Variants in MYO10 observed in about 807,000 individuals in gnomAD.
The protein encoded by MYO10 is myosin X.
Under a neutral mutation model 257.3 loss-of-function variants are expected in MYO10, and 133 were observed. That is an observed-to-expected ratio of 0.52 (90% CI 0.45 to 0.60). The LOEUF is 0.60. MYO10 is among the 20% of genes least tolerant of loss of function. The probability of loss-of-function intolerance (pLI) is 0.00; values close to 1 mark genes in which losing one functional copy is unlikely to be tolerated. For synonymous variants in MYO10, 1,104 were observed against 1,028.6 expected, an observed-to-expected ratio of 1.07 and a Z score of -1.40; for missense variants, 2,399 against 2,635.7, an observed-to-expected ratio of 0.91 and a Z score of 1.97.
At chr5:16,930,572 G>A (rs1193211067) in intron 1 of MYO10, among the ~76,000 whole-genome samples, 2 of 152,166 alleles carry the variant, frequency 1.3e-5, no homozygotes, top group South Asian at 2.1e-4. Context: ...CCCTGCACCA[G>A]GAGTACTGAC....
At chr5:16,726,159 G>A (rs1015016240) in intron 19 of MYO10, among the ~76,000 whole-genome samples, 5 of 152,194 alleles carry the variant, frequency 3.3e-5, no homozygotes, top group African/African-American at 1.2e-4. Flanking sequence ...CACATCTGCT[G>A]ACTGACAAGT....
chr5:16,720,477 G>A lies in MYO10; in HGVS notation c.1930-9232C>T, dbSNP rs565055201. 6.6e-5 allele frequency among the ~76,000 whole-genome samples: 10 copies of A among 151,092 alleles called. No homozygotes were observed. In the South Asian group the frequency reaches 8.4e-4, roughly 13 times the overall value. The stretch of plus-strand genomic sequence containing the variant: ...TTTATTTTAATTTAATTTTTGAGAC[G>A]GAGTCTCGCTCTGCCGCCCAGGCTG... On this transcript the variant is annotated intron_variant, in intron 19 of 40. Transcript: ENST00000513610.
chr5:16,915,354 A>G (rs1269319096), intron 1 of MYO10, among the ~76,000 whole-genome samples: 6 of 152,196 alleles, frequency 3.9e-5, no homozygotes, highest in African/African-American at 1.4e-4. Context: ...ATGGCTCAGC[A>G]CAGCAAATGG....
At chr5:16,905,915 A>G (rs1745506745) in intron 1 of MYO10, among the ~76,000 whole-genome samples, 1 of 152,128 alleles carries the variant, frequency 6.6e-6, no homozygotes, top group Admixed American at 6.6e-5. Context: ...AGTAATTGCT[A>G]AGTCCAATTT....
chr5:16,709,980 C>T (rs77134946), intron 21 of MYO10, among the ~76,000 whole-genome samples: 9 of 152,228 alleles, frequency 5.9e-5, no homozygotes, highest in Non-Finnish European at 1.2e-4. Flanking sequence ...ATTGGTCAAA[C>T]TGCAAGACAT....
chr5:16,868,008 T>C lies in MYO10; in HGVS notation c.120+9601A>G, dbSNP rs116762998. ...GCACAGAGTAATCGCCTTGATGAAA[T>C]GGGCTGCAGTAAACTGAATAACTAC... On this transcript the variant is annotated intron_variant, in intron 2 of 40. Transcript: ENST00000513610. Among the ~76,000 whole-genome samples the C allele has an allele frequency of 5.6e-3, 859 of 152,290 alleles. 13 individuals are homozygous for C. The highest frequency in any genetic ancestry group is 0.02 in the African/African-American group (836 of 41,562).
intron 4 of MYO10, among the ~76,000 whole-genome samples, chr5:16,786,692 A>G (rs545424978): frequency 6.6e-6 from 1 of 152,262 alleles, no homozygotes; most frequent in Non-Finnish European, 1.5e-5. Flanking sequence ...AAGCTGAAAT[A>G]TGCCTAGCCC....
At chr5:16,870,951 G>A (rs1744442155) in intron 2 of MYO10, among the ~76,000 whole-genome samples, 1 of 152,106 alleles carries the variant, frequency 6.6e-6, no homozygotes, top group Non-Finnish European at 1.5e-5. Context: ...ATTGTCATTT[G>A]ACAATTTCTA....
intron 2 of MYO10, among the ~76,000 whole-genome samples, chr5:16,858,399 T>TA (rs1561022484): frequency 7.0e-6 from 1 of 143,816 alleles, no homozygotes; most frequent in African/African-American, 2.7e-5. Context: ...CACTTCAACA[T>TA]ACACACACAG....
intron 17 of MYO10, among the ~76,000 whole-genome samples, chr5:16,759,622 GCA>G (rs1455026708): frequency 6.6e-6 from 1 of 152,136 alleles, no homozygotes; most frequent in African/African-American, 2.4e-5. Flanking sequence ...CTTCACGCTG[GCA>G]CAGAGGCAGC....
chr5:16,921,075 A>G (rs1390360071), intron 1 of MYO10, among the ~76,000 whole-genome samples: 1 of 152,018 alleles, frequency 6.6e-6, no homozygotes, highest in East Asian at 1.9e-4. Context: ...CCAAGATCGC[A>G]CCACTGCACT....
chr5:16,736,828 T>C (rs557977418), intron 19 of MYO10, among the ~76,000 whole-genome samples: 1 of 152,350 alleles, frequency 6.6e-6, no homozygotes, highest in East Asian at 1.9e-4. Context: ...TGTTTGGCCT[T>C]CATAATCCAG....
chr5:16,681,979 C>A lies in MYO10; in HGVS notation c.4081G>T (p.Val1361Leu). The change falls in exon 31 of 41, where the codon GTG becomes TTG. Residue 1361 changes from valine (V) to leucine (L), a missense_variant. Val to Leu is a conservative substitution (Grantham distance 32). Around this residue, in one of 3 missense-constraint regions of MYO10, gnomAD observed 1,820 missense variants for 1,939.4 expected, o/e 0.94. Coordinates refer to ENST00000513610, the MANE Select transcript of MYO10 (RefSeq NM_012334.3). ...NSFVIITANR[V>L]LHCNADTPEE... ...GGCGTGTCGGCGTTGCAGTGCAGCA[C>A]CCGGTTGGCCGTGATGATCACAAAC... 6.2e-7 allele frequency: 1 copy of A among 1,613,840 alleles called. No individual in the cohort carries two copies. Among genetic ancestry groups the A allele is most frequent in the Non-Finnish European group, 8.5e-7 (1 of 1,179,892 alleles).
At chr5:16,748,039 A>G (rs1379538347) in intron 19 of MYO10, among the ~76,000 whole-genome samples, 1 of 151,872 alleles carries the variant, frequency 6.6e-6, no homozygotes, top group Non-Finnish European at 1.5e-5. Flanking sequence ...AATGTGTCAC[A>G]TTATCATCCG....
At position 16,762,115 on chromosome 5, in the gene MYO10, TAAAAAAA is replaced by T. The variant is rs746751894; in HGVS notation, c.1588-9_1588-3del. ...GGGCTTCACATAAAAGTGGTTATTCTAAAAAAAAAAAAAAAAAAAAAAAAAAAAATAC... is the reference window on the plus strand; with the variant it reads ...GGGCTTCACATAAAAGTGGTTATTCTAAAAAAAAAAAAAAAAAAAAAATAC... On this transcript the variant is annotated splice_polypyrimidine_tract_variant and splice_region_variant and intron_variant, in intron 15 of 40. Coordinates refer to ENST00000513610, the MANE Select transcript of MYO10 (RefSeq NM_012334.3). 575 of 567,082 alleles carry T rather than the reference TAAAAAAA, an allele frequency of 1.0e-3. 2 individuals are homozygous for T. The African/African-American group carries it at 0.011, about 11-fold the overall frequency. 35.1% of individuals were successfully genotyped at this position (567,082 alleles called of 1,614,324 possible). A position where few individuals can be genotyped will look rare whatever the true frequency, so the allele number is the denominator to read the frequency against.
chr5:16,785,310 G>T (rs894556621), intron 4 of MYO10, among the ~76,000 whole-genome samples: 6 of 152,190 alleles, frequency 3.9e-5, no homozygotes, highest in Non-Finnish European at 8.8e-5. Flanking sequence ...CCTGGCACGG[G>T]GGAGGCATTC....
chr5:16,922,883 T>C (rs974485806), intron 1 of MYO10, among the ~76,000 whole-genome samples: 1 of 152,000 alleles, frequency 6.6e-6, no homozygotes, highest in African/African-American at 2.4e-5. Flanking sequence ...ATTTGAAAAT[T>C]AGCCGGGCGA....
chr5:16,893,854 A>AG (rs1745145875), intron 1 of MYO10, among the ~76,000 whole-genome samples: 1 of 152,002 alleles, frequency 6.6e-6, no homozygotes. Flanking sequence ...CTGAAATTGG[A>AG]GGGGACTCTT....
chr5:16,819,870 A>G (rs1274209947), intron 2 of MYO10, among the ~76,000 whole-genome samples: 1 of 152,254 alleles, frequency 6.6e-6, no homozygotes, highest in Admixed American at 6.5e-5. Flanking sequence ...TTTCTGCCAC[A>G]TGAACCACTA....
Sources: gnomAD v4.1 joint callset for allele counts (sites outside exome capture counted in the v4.1 genomes callset) on GRCh38, gnomAD v4.1.1 for gene constraint, gnomAD v4.1.1 regional missense constraint, MANE v1.5 for transcripts, NCBI Gene and HGNC (gene_info 2026-07-23, HGNC 2026-07-21) for gene names.